The following PTPRR variants were observed in gnomAD, a reference collection of about 807,000 sequenced individuals.
PTPRR encodes the protein protein tyrosine phosphatase receptor type R, also known as receptor-type tyrosine-protein phosphatase R.
PTPRR carries 38 observed loss-of-function variants against 77.2 expected under a neutral mutation model. The ratio of observed to expected loss-of-function variants is 0.49; its 90% confidence interval spans 0.38 to 0.65. The LOEUF (loss-of-function observed/expected upper bound fraction) is 0.65. Among genes scored for constraint, PTPRR ranks in the 30% least tolerant of loss-of-function variants. The pLI, the probability that PTPRR is intolerant of heterozygous loss-of-function variation, is 0.00. For synonymous variants in PTPRR, 299 were observed against 283.1 expected (o/e 1.06, Z -0.57); for missense variants, 744 against 799.2 (o/e 0.93, Z 0.83).
At chr12:70,768,040 T>C (rs1464066231) in intron 2 of PTPRR, among the ~76,000 whole-genome samples, 1 of 151,950 alleles carries the variant, frequency 6.6e-6, no homozygotes, top group Non-Finnish European at 1.5e-5. Flanking sequence ...TTTATAGCAC[T>C]AAATGCCCAC....
intron 2 of PTPRR, among the ~76,000 whole-genome samples, chr12:70,845,917 C>A (rs1892476479): frequency 2.6e-5 from 4 of 151,966 alleles, no homozygotes; most frequent in Non-Finnish European, 5.9e-5. Context: ...GGATTTATGA[C>A]CAATTGTTTC....
At chr12:70,831,865 C>T (rs907835270) in intron 2 of PTPRR, among the ~76,000 whole-genome samples, 7 of 152,110 alleles carry the variant, frequency 4.6e-5, no homozygotes, top group South Asian at 2.1e-4. Context: ...TAGAGCTTGC[C>T]GCTTGAACTG....
intron 2 of PTPRR, among the ~76,000 whole-genome samples, chr12:70,825,697 T>C (rs1892096434): frequency 6.6e-6 from 1 of 152,210 alleles, no homozygotes; most frequent in Admixed American, 6.5e-5. Flanking sequence ...TGCACGGTGC[T>C]CCCTTGTGGG....
At chr12:70,875,129 C>A (rs773953958) in intron 2 of PTPRR, among the ~76,000 whole-genome samples, 37 of 151,870 alleles carry the variant, frequency 2.4e-4, no homozygotes, top group Non-Finnish European at 4.9e-4. Context: ...AAGTAATATG[C>A]ACCATTAAAA....
At chr12:70,830,069 C>G (rs751781079) in intron 2 of PTPRR, among the ~76,000 whole-genome samples, 19 of 152,080 alleles carry the variant, frequency 1.2e-4, no homozygotes, top group Non-Finnish European at 2.1e-4. Context: ...TGCATTCCCT[C>G]CAAGGGAACA....
rs1003721252 is a variant in PTPRR at position 70,803,599 on chromosome 12, T to C, written c.358-38821A>G. On this transcript the variant is annotated intron_variant, in intron 2 of 13. Transcript: ENST00000283228. The stretch of plus-strand genomic sequence containing the variant: ...CCCATACAGTTCCCATAGGTTCTAC[T>C]ATGAGAATTCTAGGATCATGCCGAG... 8.5e-5 allele frequency among the ~76,000 whole-genome samples: 13 copies of C among 152,272 alleles called. No homozygotes were observed. In the East Asian group the frequency reaches 2.1e-3, roughly 25 times the overall value.
intron 12 of PTPRR, among the ~76,000 whole-genome samples, chr12:70,657,399 G>A (rs1469658045): frequency 6.6e-6 from 1 of 152,184 alleles, no homozygotes; most frequent in Non-Finnish European, 1.5e-5. Flanking sequence ...ATATTTCCAA[G>A]AGATTTGTAT....
chr12:70,653,687 T>C (rs1886476068), intron 13 of PTPRR, among the ~76,000 whole-genome samples: 1 of 152,200 alleles, frequency 6.6e-6, no homozygotes, highest in Admixed American at 6.5e-5. Flanking sequence ...ATAGGTCATA[T>C]CATCTTTTCA....
chr12:70,877,296 C>A (rs1445572379), intron 2 of PTPRR, among the ~76,000 whole-genome samples: 1 of 152,150 alleles, frequency 6.6e-6, no homozygotes, highest in East Asian at 1.9e-4. Flanking sequence ...GCCCATTACA[C>A]TTCTAAGATT....
chr12:70,894,572 T>C (rs1893393287), intron 1 of PTPRR, among the ~76,000 whole-genome samples: 1 of 151,780 alleles, frequency 6.6e-6, no homozygotes. Context: ...GAAACTCTTC[T>C]AGGACACTAC....
chr12:70,764,734 C>G lies in PTPRR; in HGVS notation c.402G>C (p.Arg134=), dbSNP rs1167725221. The G allele has an allele frequency of 6.2e-7, 1 of 1,613,974 alleles. No homozygotes were observed. The highest frequency in any genetic ancestry group is 1.7e-5 in the Admixed American group (1 of 59,990). Residue 134 remains arginine, a synonymous_variant, in exon 3 of 14, where the codon CGG becomes CGC. Coordinates refer to ENST00000283228, the MANE Select transcript of PTPRR (RefSeq NM_002849.4). ...DVNKLNITLL[R]IFRQGVAAAL... ...CTGCAGCCACTCCTTGGCGGAAGAT[C>G]CGAAGCAAGGTTATGTTCAGCTTGT...
At chr12:70,684,306 A>T in intron 9 of PTPRR, 42 bp from the exon 10 acceptor site, 1 of 1,590,326 alleles carries the variant, frequency 6.3e-7, no homozygotes, top group Non-Finnish European at 8.6e-7. Flanking sequence ...TTTTAAGTTC[A>T]TGCCTTGCAG....
chr12:70,653,216 G>C (rs1441468319), intron 13 of PTPRR, among the ~76,000 whole-genome samples: 1 of 152,178 alleles, frequency 6.6e-6, no homozygotes, highest in South Asian at 2.1e-4. Context: ...AGCTCTGGCT[G>C]ACTGAGTGCT....
intron 1 of PTPRR, among the ~76,000 whole-genome samples, chr12:70,908,667 G>C (rs993201725): frequency 1.3e-5 from 2 of 152,140 alleles, no homozygotes; most frequent in Non-Finnish European, 2.9e-5. Context: ...CAGCCAAACC[G>C]TATCAATGGG....
At chr12:70,775,422 G>A (rs982730555) in intron 2 of PTPRR, among the ~76,000 whole-genome samples, 3 of 152,216 alleles carry the variant, frequency 2.0e-5, no homozygotes, top group Non-Finnish European at 2.9e-5. Flanking sequence ...TTGATGAAAT[G>A]TAGCACTTTC....
At chr12:70,757,346 T>C (rs1351307095) in intron 4 of PTPRR, among the ~76,000 whole-genome samples, 1 of 152,206 alleles carries the variant, frequency 6.6e-6, no homozygotes, top group Non-Finnish European at 1.5e-5. Flanking sequence ...CTGAATCATT[T>C]TTAAAAATGT....
At chr12:70,803,716 T>G (rs1258910644) in intron 2 of PTPRR, among the ~76,000 whole-genome samples, 1 of 152,210 alleles carries the variant, frequency 6.6e-6, no homozygotes, top group Non-Finnish European at 1.5e-5. Context: ...CTACCATTCT[T>G]TACTACCTAT....
Position 70,656,748 on chromosome 12 carries a change from T to C in PTPRR, c.1836A>G (p.Gly612=). 6.2e-7 allele frequency: 1 copy of C among 1,613,904 alleles called. No homozygotes were observed. The highest frequency in any genetic ancestry group is 1.1e-5 in the South Asian group (1 of 91,072). ...AGACAATGCTTAGTGCATCCACAACTCCTTCTTCTTTCAGCTGTTGACAGC... is the reference window on the plus strand; with the variant it reads ...AGACAATGCTTAGTGCATCCACAACCCCTTCTTCTTTCAGCTGTTGACAGC... ...SIGCQQLKEE[G]VVDALSIVCQ... The change falls in exon 13 of 14, where the codon GGA becomes GGG. Residue 612 remains glycine (G), a synonymous_variant. Coordinates refer to ENST00000283228, the MANE Select transcript of PTPRR (RefSeq NM_002849.4).
intron 8 of PTPRR, among the ~76,000 whole-genome samples, chr12:70,696,736 C>T (rs374124098): frequency 5.3e-5 from 8 of 152,034 alleles, no homozygotes; most frequent in African/African-American, 1.9e-4. Flanking sequence ...CAATTAGCCC[C>T]AAAATAAATA....
Sources: allele counts gnomAD v4.1 joint callset (sites outside exome capture counted in the v4.1 genomes callset), GRCh38; gene constraint gnomAD v4.1.1; transcripts MANE v1.5; gene names NCBI Gene and HGNC (gene_info 2026-07-23, HGNC 2026-07-21).